Variants in ZNF609 observed in about 807,000 individuals in gnomAD.
The protein encoded by ZNF609 is zinc finger protein 609.
A neutral mutation model predicts 109.5 loss-of-function variants in ZNF609; 11 were observed. That is an observed-to-expected ratio of 0.10 (90% CI 0.06 to 0.17). The LOEUF (loss-of-function observed/expected upper bound fraction) is 0.17. Among genes scored for constraint, ZNF609 ranks in the 10% least tolerant of loss-of-function variants. The pLI, the probability that ZNF609 is intolerant of heterozygous loss-of-function variation, is 1.00. For synonymous variants in ZNF609, 646 were observed against 662.0 expected (o/e 0.98, Z 0.37); for missense variants, 1,559 against 1,772.4 (o/e 0.88, Z 2.16).
chr15:64,473,505 G>T (rs1475829510), intron 1 of ZNF609, among the ~76,000 whole-genome samples: 1 of 151,294 alleles, frequency 6.6e-6, no homozygotes, highest in Non-Finnish European at 1.5e-5. Flanking sequence ...CCTCATATTT[G>T]GTTCTTTTTT....
chr15:64,575,663 A>G (rs1258696246), intron 2 of ZNF609, among the ~76,000 whole-genome samples: 2 of 152,172 alleles, frequency 1.3e-5, no homozygotes, highest in Non-Finnish European at 2.9e-5. Context: ...ATGGGATCCC[A>G]GGTAGTATTT....
chr15:64,459,813 T>G (rs1419718265), upstream of ZNF609, among the ~76,000 whole-genome samples: 3 of 152,108 alleles, frequency 2.0e-5, no homozygotes, highest in Non-Finnish European at 2.9e-5. Context: ...CACTTAAACA[T>G]GGACTGAATG....
At chr15:64,597,271 T>C (rs1191165423) in intron 2 of ZNF609, among the ~76,000 whole-genome samples, 1 of 152,098 alleles carries the variant, frequency 6.6e-6, no homozygotes, top group African/African-American at 2.4e-5. Context: ...GACGGGCACT[T>C]TTCCTCCTCA....
chr15:64,555,495 C>T (rs1894565710), intron 2 of ZNF609, among the ~76,000 whole-genome samples: 1 of 151,936 alleles, frequency 6.6e-6, no homozygotes, highest in Admixed American at 6.6e-5. Flanking sequence ...GAAACCTCGT[C>T]TCTACTAAAA....
Position 64,684,809 on chromosome 15 carries a change from GCCC to G in ZNF609, c.*3126_*3128del, listed in dbSNP as rs1178658386. 3.3e-5 allele frequency: 5 copies of G among 152,634 alleles called. No individual in the cohort carries two copies. The highest frequency in any genetic ancestry group is 6.5e-5 in the Admixed American group (1 of 15,282). 9.5% of individuals were successfully genotyped at this position (152,634 alleles called of 1,614,324 possible). A position where few individuals can be genotyped will look rare whatever the true frequency, so the allele number is the denominator to read the frequency against. The stretch of plus-strand genomic sequence containing the variant: ...TCACCATCCCCTTGTCTACTCTGAT[GCCC>G]CCAAGATGCAACTGGGCAGCTAGTT... On this transcript the variant is annotated 3_prime_UTR_variant, in exon 10 of 10. Transcript: ENST00000326648.
chr15:64,462,994 C>T (rs1892964053), intron 1 of ZNF609, among the ~76,000 whole-genome samples: 1 of 152,266 alleles, frequency 6.6e-6, no homozygotes, highest in Admixed American at 6.5e-5. Flanking sequence ...GTGCTCACAC[C>T]TGTAATCCCA....
At position 64,511,630 on chromosome 15, in the gene ZNF609, G is replaced by A. The variant is rs569297044; in HGVS notation, c.747+11464G>A. On this transcript the variant is annotated intron_variant, in intron 2 of 9. Transcript: ENST00000326648. The stretch of plus-strand genomic sequence containing the variant: ...TTGGTCGTGAGACAGCTTAGGGTAC[G>A]TATCAGAGTCACTTCTGGAGGTTTT... 6.5e-4 allele frequency among the ~76,000 whole-genome samples: 99 copies of A among 151,980 alleles called. 1 individual carries two copies. Among genetic ancestry groups the A allele is most frequent in the African/African-American group, 2.0e-3 (84 of 41,442 alleles).
At chr15:64,577,781 C>T (rs1371280054) in intron 2 of ZNF609, among the ~76,000 whole-genome samples, 3 of 151,132 alleles carry the variant, frequency 2.0e-5, no homozygotes, top group East Asian at 3.9e-4. Flanking sequence ...ATCGCTTGAA[C>T]CCAGGAGTCA....
chr15:64,608,418 T>C (rs757478745), intron 2 of ZNF609, among the ~76,000 whole-genome samples: 2 of 152,182 alleles, frequency 1.3e-5, no homozygotes, highest in Non-Finnish European at 1.5e-5. Context: ...GATGGTAATA[T>C]TGATGCATTC....
At chr15:64,587,386 TATTA>T (rs5813311) in intron 2 of ZNF609, among the ~76,000 whole-genome samples, 131,716 of 151,844 alleles carry the variant, frequency 0.87, 58,350 homozygotes, top group East Asian at 0.96. Flanking sequence ...GCACAGTACC[TATTA>T]ATTAGTAGTA....
At chr15:64,642,822 C>T (rs1896282748) in intron 3 of ZNF609, among the ~76,000 whole-genome samples, 1 of 152,086 alleles carries the variant, frequency 6.6e-6, no homozygotes, top group Admixed American at 6.6e-5. Context: ...TAATGGTTTT[C>T]ATTTTCTGTA....
intron 2 of ZNF609, among the ~76,000 whole-genome samples, chr15:64,592,124 C>T (rs899703540): frequency 1.3e-5 from 2 of 151,134 alleles, no homozygotes; most frequent in African/African-American, 4.9e-5. Context: ...ATGATTACAT[C>T]ACTGCACTCC....
intron 2 of ZNF609, among the ~76,000 whole-genome samples, chr15:64,569,188 C>G (rs1282749343): frequency 6.6e-6 from 1 of 152,284 alleles, no homozygotes; most frequent in East Asian, 1.9e-4. Context: ...AAATAACTTC[C>G]TGGATAGTCC....
chr15:64,476,405 A>G (rs1718639863), intron 1 of ZNF609, among the ~76,000 whole-genome samples: 2 of 152,152 alleles, frequency 1.3e-5, no homozygotes, highest in Non-Finnish European at 2.9e-5. Context: ...ACAGCAGGAT[A>G]AGGAGAATTG....
chr15:64,599,755 A>G (rs1241549884), intron 2 of ZNF609, among the ~76,000 whole-genome samples: 6 of 152,152 alleles, frequency 3.9e-5, no homozygotes, highest in Admixed American at 1.3e-4. Context: ...TTAAGTCCCA[A>G]TTTAACTCTC....
At chr15:64,486,224 T>C (rs1893331502) in intron 1 of ZNF609, among the ~76,000 whole-genome samples, 2 of 152,178 alleles carry the variant, frequency 1.3e-5, no homozygotes, top group Admixed American at 6.5e-5. Context: ...CCTAAAATTA[T>C]TTAAAGTTTA....
chr15:64,665,029 G>A (rs1896627228), intron 3 of ZNF609, among the ~76,000 whole-genome samples: 1 of 152,178 alleles, frequency 6.6e-6, no homozygotes, highest in Non-Finnish European at 1.5e-5. Flanking sequence ...TGATTATGCA[G>A]TAATCAGAGC....
chr15:64,535,600 T>TTG (rs1894130031), intron 2 of ZNF609, among the ~76,000 whole-genome samples: 2 of 152,132 alleles, frequency 1.3e-5, no homozygotes, highest in African/African-American at 4.8e-5. Context: ...ATACAGTTTT[T>TTG]TGTGTGTGTG....
chr15:64,673,502 G>A lies in ZNF609; in HGVS notation c.1062-414G>A, dbSNP rs531071211. On this transcript the variant is annotated intron_variant, in intron 4 of 9. Transcript: ENST00000326648. ...TTTCTATATCTTCATAGTGAGGTAT[G>A]TAAGAAAAAGGCATTGGGCTAAAAG... 3.9e-5 allele frequency among the ~76,000 whole-genome samples: 6 copies of A among 152,350 alleles called. No homozygotes were observed. The South Asian group carries it at 1.2e-3, about 32-fold the overall frequency.
Sources: allele counts gnomAD v4.1 joint callset (sites outside exome capture counted in the v4.1 genomes callset), GRCh38; gene constraint gnomAD v4.1.1; transcripts MANE v1.5; gene names NCBI Gene and HGNC (gene_info 2026-07-23, HGNC 2026-07-21).